Variants in PLPBP observed in about 807,000 individuals in gnomAD.
PLPBP encodes the protein pyridoxal phosphate homeostasis protein.
Under a neutral mutation model 31.2 loss-of-function variants are expected in PLPBP, and 21 were observed. The ratio of observed to expected loss-of-function variants is 0.67; its 90% CI spans 0.48 to 0.97. The LOEUF (loss-of-function observed/expected upper bound fraction) is 0.97. Among genes scored for constraint, PLPBP ranks in the 50% least tolerant of loss-of-function variants. PLPBP has a pLI of 0.00. For synonymous variants in PLPBP, 124 were observed against 135.6 expected (o/e 0.91, Z 0.59); for missense variants, 308 against 354.4 (o/e 0.87, Z 1.05).
rs1026322917 is a variant in PLPBP, at chr8:37,778,175, C to T, written c.*71C>T. ...CATTTCGATATTCCCTGTGTCCCAG[C>T]GCAGTCCTGCTCTCCTGTGACCTGT... On this transcript the variant is annotated 3_prime_UTR_variant, in exon 8 of 8. Coordinates refer to ENST00000328195, the MANE Select transcript of PLPBP (RefSeq NM_007198.4). 7 of 1,554,272 alleles carry T rather than the reference C, an allele frequency of 4.5e-6. No individual in the cohort carries two copies. Among genetic ancestry groups the T allele is most frequent in the African/African-American group, 4.1e-5 (3 of 73,502 alleles).
At chr8:37,766,648 A>G (rs910346528) in intron 4 of PLPBP, 6 of 1,016,762 alleles carry the variant, frequency 5.9e-6, no homozygotes, top group Middle Eastern at 4.4e-4. Context: ...AATTTTTTTA[A>G]CTAGCAAAAG....
At chr8:37,764,325 T>G (rs1165524713) in intron 1 of PLPBP, among the ~76,000 whole-genome samples, 1 of 151,456 alleles carries the variant, frequency 6.6e-6, no homozygotes. Context: ...AGACTGTTGT[T>G]TTTTGTTTTA....
chr8:37,766,601 G>A, intron 4 of PLPBP: 1 of 1,122,940 alleles, frequency 8.9e-7, no homozygotes, highest in South Asian at 4.2e-5. Context: ...ATTATTTGGT[G>A]GTCTTTCAGA....
chr8:37,764,468 C>T (rs1040534724), intron 1 of PLPBP, among the ~76,000 whole-genome samples: 3 of 152,172 alleles, frequency 2.0e-5, no homozygotes, highest in Non-Finnish European at 4.4e-5. Context: ...ATTACAGATG[C>T]CCACCACCAC....
At chr8:37,770,696 G>A (rs1803747970) in intron 4 of PLPBP, among the ~76,000 whole-genome samples, 2 of 152,150 alleles carry the variant, frequency 1.3e-5, no homozygotes, top group Admixed American at 6.5e-5. Flanking sequence ...TCCTGCCTCA[G>A]CCTCCCAAGT....
rs368880116 is a variant in PLPBP at position 37,772,904 on chromosome 8, C to T, written c.454+15C>T. 6.2e-7 allele frequency: 1 copy of T among 1,613,676 alleles called. No individual in the cohort carries two copies. The highest frequency in any genetic ancestry group is 1.3e-5 in the African/African-American group (1 of 74,880). ...CGGAGAAGAGAGTAAGTAACCAGAC[C>T]TGAATTGTAGATTTTTCTTCCTTTA... On this transcript the variant is annotated intron_variant, in intron 5 of 7. Transcript: ENST00000328195.
At position 37,775,936 on chromosome 8, in the gene PLPBP, G is replaced by C; in HGVS notation, c.616G>C (p.Glu206Gln). ...CTGTCAGCTGTTATTGTCCCTCCGGGAGGAGCTGTGTAAAAAGCTGAACAT... is the reference window on the plus strand; with the variant it reads ...CTGTCAGCTGTTATTGTCCCTCCGGCAGGAGCTGTGTAAAAAGCTGAACAT... The part of the protein sequence containing the change: ...PDFQLLLSLR[E>Q]ELCKKLNIPA... Residue 206 changes from glutamate to glutamine, a missense_variant, in exon 7 of 8, where the codon GAG (glutamate) becomes CAG (glutamine). Physicochemically the swap from Glu to Gln is conservative, Grantham distance 29. Coordinates refer to ENST00000328195, the MANE Select transcript of PLPBP (RefSeq NM_007198.4). 1 of 1,613,870 alleles carries C rather than the reference G, an allele frequency of 6.2e-7. No homozygotes were observed. The highest frequency in any genetic ancestry group is 8.5e-7 in the Non-Finnish European group (1 of 1,179,822).
chr8:37,765,467 G>T, intron 1 of PLPBP, 59 bp from the exon 2 acceptor site: 3 of 1,469,970 alleles, frequency 2.0e-6, no homozygotes, highest in Non-Finnish European at 2.9e-6. Context: ...CTATCCTATG[G>T]GATTCATTGG....
At chr8:37,764,719 T>C (rs971241946) in intron 1 of PLPBP, among the ~76,000 whole-genome samples, 3 of 152,224 alleles carry the variant, frequency 2.0e-5, no homozygotes, top group Admixed American at 2.0e-4. Flanking sequence ...GGTGTAATGA[T>C]ACACCAGGAC....
chr8:37,767,320 GTCCCTTGGTAA>G (rs1367153306), intron 4 of PLPBP, among the ~76,000 whole-genome samples: 5 of 152,136 alleles, frequency 3.3e-5, no homozygotes, highest in African/African-American at 1.2e-4. Flanking sequence ...GTTTCCTCCT[GTCCCTTGGTAA>G]TCCCTCTCTT....
intron 6 of PLPBP, 56 bp from the exon 7 acceptor site, chr8:37,775,861 CT>C: frequency 6.8e-7 from 1 of 1,475,488 alleles, no homozygotes; most frequent in South Asian, 1.1e-5. Context: ...GATTCAGACA[CT>C]TTTGGGCATC....
At chr8:37,772,727 A>C (rs1271386483) in intron 4 of PLPBP, 28 bp from the exon 5 acceptor site, 1 of 1,613,430 alleles carries the variant, frequency 6.2e-7, no homozygotes, top group Non-Finnish European at 8.5e-7. Flanking sequence ...CAAATAAGGA[A>C]TACTACTTTG....
intron 4 of PLPBP, among the ~76,000 whole-genome samples, chr8:37,768,434 T>G (rs1437684754): frequency 6.6e-6 from 1 of 151,008 alleles, no homozygotes; most frequent in African/African-American, 2.4e-5. Flanking sequence ...TCAAAAAATG[T>G]GAAATGGTAT....
chr8:37,775,941 G>A lies in PLPBP; in HGVS notation c.621G>A (p.Glu207=), dbSNP rs774027445. 2.5e-6 allele frequency: 4 copies of A among 1,613,810 alleles called. No individual in the cohort carries two copies. The highest frequency in any genetic ancestry group is 3.4e-6 in the Non-Finnish European group (4 of 1,179,862). The part of the protein sequence containing the change: ...DFQLLLSLRE[E]LCKKLNIPAD... Reference sequence around the variant, plus strand: ...AGCTGTTATTGTCCCTCCGGGAGGAGCTGTGTAAAAAGCTGAACATCCCTG... The same window carrying A: ...AGCTGTTATTGTCCCTCCGGGAGGAACTGTGTAAAAAGCTGAACATCCCTG... The change falls in exon 7 of 8, where the codon GAG becomes GAA. Residue 207 remains glutamate (E), a synonymous_variant. Transcript: ENST00000328195.
intron 3 of PLPBP, among the ~76,000 whole-genome samples, chr8:37,765,988 G>A (rs1231031601): frequency 1.3e-5 from 2 of 152,094 alleles, no homozygotes; most frequent in Non-Finnish European, 2.9e-5. Flanking sequence ...TCAGGAGCTT[G>A]CTGTAATCTT....
At chr8:37,771,225 C>G (rs1348689895) in intron 4 of PLPBP, among the ~76,000 whole-genome samples, 2 of 152,146 alleles carry the variant, frequency 1.3e-5, no homozygotes, top group Non-Finnish European at 2.9e-5. Flanking sequence ...CAACCTCTGC[C>G]TCCCAGATTG....
chr8:37,768,958 TA>T (rs1245112472), intron 4 of PLPBP, among the ~76,000 whole-genome samples: 1 of 152,162 alleles, frequency 6.6e-6, no homozygotes, highest in African/African-American at 2.4e-5. Flanking sequence ...ATAAAAGCTA[TA>T]AAAGTATTAG....
chr8:37,767,513 A>G (rs1273448255), intron 4 of PLPBP, among the ~76,000 whole-genome samples: 2 of 152,218 alleles, frequency 1.3e-5, no homozygotes, highest in Non-Finnish European at 2.9e-5. Context: ...ACCTGTATCA[A>G]AGGTTCAATT....
chr8:37,776,146 T>C, intron 7 of PLPBP, 130 bp downstream of exon 7: 3 of 821,630 alleles, frequency 3.7e-6, no homozygotes, highest in Non-Finnish European at 3.9e-6. Context: ...GTACCCAGTG[T>C]CAGCTATTCC....
Sources: gnomAD v4.1 joint callset for allele counts (sites outside exome capture counted in the v4.1 genomes callset) on GRCh38, gnomAD v4.1.1 for gene constraint, MANE v1.5 for transcripts, NCBI Gene and HGNC (gene_info 2026-07-23, HGNC 2026-07-21) for gene names.